Variants in KCTD8 observed in about 807,000 individuals in gnomAD.
KCTD8 encodes potassium channel tetramerization domain containing 8, also known as BTB/POZ domain-containing protein KCTD8.
In KCTD8, 27 loss-of-function variants were observed where a neutral mutation model predicts 31.5. That is an observed-to-expected ratio of 0.86 (90% CI 0.63 to 1.18). The LOEUF (loss-of-function observed/expected upper bound fraction) is 1.18, where lower values mean the gene tolerates loss of function less well. Among genes scored for constraint, KCTD8 ranks in the 50% most tolerant of loss-of-function variants. KCTD8 has a pLI of 0.00. For synonymous variants in KCTD8, 290 were observed against 280.0 expected (o/e 1.04, Z -0.36); for missense variants, 658 against 647.7 (o/e 1.02, Z -0.17).
At chr4:44,303,902 A>G (rs1382065785) in intron 1 of KCTD8, among the ~76,000 whole-genome samples, 1 of 152,150 alleles carries the variant, frequency 6.6e-6, no homozygotes, top group Non-Finnish European at 1.5e-5. Flanking sequence ...TTAGCAGATC[A>G]TTAGCAGAAA....
chr4:44,367,817 GATTTGATATAACCTTTAA>G (rs1441523792), intron 1 of KCTD8, among the ~76,000 whole-genome samples: 1 of 150,180 alleles, frequency 6.7e-6, no homozygotes, highest in African/African-American at 2.4e-5. Context: ...AGATACTCAT[GATTTGATATAACCTTTAA>G]AGCTTTCATT....
chr4:44,271,460 AGT>A (rs1482818022), intron 1 of KCTD8, among the ~76,000 whole-genome samples: 7 of 152,124 alleles, frequency 4.6e-5, no homozygotes, highest in African/African-American at 1.7e-4. Context: ...CAGTTTACTG[AGT>A]GTGTGACTGC....
chr4:44,190,735 C>A (rs1482178655), intron 1 of KCTD8, among the ~76,000 whole-genome samples: 3 of 152,100 alleles, frequency 2.0e-5, no homozygotes, highest in Non-Finnish European at 2.9e-5. Flanking sequence ...GACTAAGTCC[C>A]CCAATCCCAA....
intron 1 of KCTD8, among the ~76,000 whole-genome samples, chr4:44,435,241 A>T (rs1397128693): frequency 1.3e-5 from 2 of 151,956 alleles, no homozygotes; most frequent in Admixed American, 1.3e-4. Context: ...ATCATTCCTC[A>T]AATGGGAGAT....
chr4:44,264,172 A>AT (rs1267817689), intron 1 of KCTD8, among the ~76,000 whole-genome samples: 2 of 150,602 alleles, frequency 1.3e-5, no homozygotes, highest in Non-Finnish European at 3.0e-5. Flanking sequence ...AATAATTGTT[A>AT]TTAGTCCTAA....
At position 44,448,527 on chromosome 4, in the gene KCTD8, C is replaced by G. The variant is rs748503282; in HGVS notation, c.-4G>C. The G allele has an allele frequency of 3.4e-6, 5 of 1,453,830 alleles. No individual in the cohort carries two copies. The highest frequency in any genetic ancestry group is 4.5e-6 in the Non-Finnish European group (5 of 1,107,176). 90.1% of individuals were successfully genotyped at this position (1,453,830 alleles called of 1,614,324 possible). A position where few individuals can be genotyped will look rare whatever the true frequency, so the allele number is the denominator to read the frequency against. On this transcript the variant is annotated 5_prime_UTR_variant, in exon 1 of 2. Transcript: ENST00000360029. The surrounding 1 kb of genome is among the most constrained non-coding windows in gnomAD (Gnocchi z 4.1). The stretch of plus-strand genomic sequence containing the variant: ...TGCCCGTGTCCTTCAGAGCCATAGT[C>G]CCCCCGCCGCCGGCCCAGTGACCCG...
At chr4:44,229,426 C>T (rs528026778) in intron 1 of KCTD8, among the ~76,000 whole-genome samples, 111 of 152,264 alleles carry the variant, frequency 7.3e-4, no homozygotes, top group African/African-American at 2.5e-3. Context: ...CAGGGCACTC[C>T]GCTGGCAAAG....
chr4:44,266,821 A>T (rs1716384989), intron 1 of KCTD8, among the ~76,000 whole-genome samples: 1 of 152,142 alleles, frequency 6.6e-6, no homozygotes, highest in Non-Finnish European at 1.5e-5. Context: ...TGGTAAAGGG[A>T]TCAATTCAAC....
At chr4:44,387,245 A>G (rs1314993668) in intron 1 of KCTD8, among the ~76,000 whole-genome samples, 1 of 151,760 alleles carries the variant, frequency 6.6e-6, no homozygotes, top group Non-Finnish European at 1.5e-5. Context: ...AATAAAAAAA[A>G]TTCAATGCTC....
At chr4:44,231,615 A>G (rs1177192422) in intron 1 of KCTD8, among the ~76,000 whole-genome samples, 4 of 152,192 alleles carry the variant, frequency 2.6e-5, no homozygotes, top group Non-Finnish European at 5.9e-5. Flanking sequence ...TTTCAGCACT[A>G]TGTTAGAAGC....
chr4:44,289,772 C>T (rs1717215411), intron 1 of KCTD8, among the ~76,000 whole-genome samples: 1 of 152,162 alleles, frequency 6.6e-6, no homozygotes, highest in Non-Finnish European at 1.5e-5. Context: ...GGATTTTGCA[C>T]ACAGGGCAGC....
chr4:44,187,232 A>G (rs1043770789), intron 1 of KCTD8, among the ~76,000 whole-genome samples: 1 of 152,226 alleles, frequency 6.6e-6, no homozygotes, highest in Non-Finnish European at 1.5e-5. Context: ...CCTCACTTAC[A>G]TGATTGCACC....
intron 1 of KCTD8, among the ~76,000 whole-genome samples, chr4:44,198,985 A>T (rs188872150): frequency 6.6e-6 from 1 of 152,284 alleles, no homozygotes; most frequent in Non-Finnish European, 1.5e-5. Context: ...ACTAAAAAAG[A>T]GCAGGAGTTG....
At chr4:44,210,290 C>A (rs1051989612) in intron 1 of KCTD8, among the ~76,000 whole-genome samples, 1 of 152,110 alleles carries the variant, frequency 6.6e-6, no homozygotes, top group Non-Finnish European at 1.5e-5. Context: ...TTATCTAATT[C>A]TATCTTGTAT....
intron 1 of KCTD8, among the ~76,000 whole-genome samples, chr4:44,388,571 G>C (rs537953457): frequency 6.6e-6 from 1 of 151,966 alleles, no homozygotes; most frequent in Admixed American, 6.6e-5. Context: ...GGATGGAGCT[G>C]AAGGTCATTA....
Position 44,175,095 on chromosome 4 carries a change from G to A in KCTD8, c.1117C>T (p.Pro373Ser). ...GCTGTTGCCTGCTGGGCACTGGATG[G>A]GTTGTCCTGGGGAGTGCTTGCCTCT... ...HSEASTPQDN[P>S]SSAQQATAHQ... The change falls in exon 2 of 2, where the codon CCA (proline) becomes TCA (serine). Residue 373 changes from proline (P) to serine (S), a missense_variant. Pro to Ser is a moderately conservative substitution (Grantham distance 74). Coordinates refer to ENST00000360029, the MANE Select transcript of KCTD8 (RefSeq NM_198353.3). 1.2e-6 allele frequency: 2 copies of A among 1,614,066 alleles called. No individual in the cohort carries two copies. Among genetic ancestry groups the A allele is most frequent in the Non-Finnish European group, 1.7e-6 (2 of 1,179,976 alleles).
At chr4:44,350,393 G>A (rs1015644669) in intron 1 of KCTD8, among the ~76,000 whole-genome samples, 1 of 152,108 alleles carries the variant, frequency 6.6e-6, no homozygotes, top group African/African-American at 2.4e-5. Flanking sequence ...GAATATCCAT[G>A]AACTGTCACA....
chr4:44,379,020 A>G (rs978108016), intron 1 of KCTD8, among the ~76,000 whole-genome samples: 1 of 152,110 alleles, frequency 6.6e-6, no homozygotes, highest in Non-Finnish European at 1.5e-5. Flanking sequence ...AGCATCTTCT[A>G]ATCCCTCTCT....
Position 44,448,743 on chromosome 4 carries a change from G to T in KCTD8, c.-220C>A. The T allele has an allele frequency of 2.5e-6, 1 of 402,502 alleles. No homozygotes were observed. The highest frequency in any genetic ancestry group is 4.3e-6 in the Non-Finnish European group (1 of 233,484). The allele number at this position is 402,502 out of a possible 1,614,324, so 24.9% of individuals were successfully genotyped here. On this transcript the variant is annotated 5_prime_UTR_variant, in exon 1 of 2. Transcript: ENST00000360029. The surrounding 1 kb of genome is among the most constrained non-coding windows in gnomAD (Gnocchi z 4.1). ...GACGCGCGAGAGAGGAGCTCCGCCG[G>T]TGCGGCGGCGGCAATGGAGAGGCAA... is the stretch of plus-strand genomic sequence containing the variant.
Sources: allele counts gnomAD v4.1 joint callset (sites outside exome capture counted in the v4.1 genomes callset), GRCh38; gene constraint gnomAD v4.1.1; non-coding constraint Gnocchi (gnomAD v3.1); transcripts MANE v1.5; gene names NCBI Gene and HGNC (gene_info 2026-07-23, HGNC 2026-07-21).